The following FRY variants were observed in gnomAD, a reference collection of about 807,000 sequenced individuals.
FRY encodes the protein protein furry homolog.
FRY carries 128 observed loss-of-function variants against 348.4 expected under a neutral mutation model. That is an observed-to-expected ratio of 0.37 (90% CI 0.32 to 0.43). The LOEUF is 0.43. Among genes scored for constraint, FRY ranks in the 20% least tolerant of loss-of-function variants. The pLI, the probability that FRY is intolerant of heterozygous loss-of-function variation, is 1.00. For missense variants in FRY, 2,736 were observed against 3,695.2 expected (o/e 0.74, Z 6.73); for synonymous variants, 1,370 against 1,374.7 (o/e 1.00, Z 0.08).
Position 32,249,538 on chromosome 13 carries a change from G to A in FRY, c.7021G>A (p.Gly2341Arg), listed in dbSNP as rs374001727. Residue 2341 changes from glycine to arginine, a missense_variant, in exon 49 of 61, where the codon GGG becomes AGG. Coordinates refer to ENST00000542859, the MANE Select transcript of FRY (RefSeq NM_023037.3). ...HFDISETPII[G>R]RRYDELQNSS... is the part of the protein sequence containing the mutation. ...TCTTCTTCTCAAGACTCCAATCATCGGGAGGCGGTATGATGAGCTGCAGAA... is the reference window on the plus strand; with the variant it reads ...TCTTCTTCTCAAGACTCCAATCATCAGGAGGCGGTATGATGAGCTGCAGAA... 4.2e-5 allele frequency: 68 copies of A among 1,614,098 alleles called. No individual in the cohort carries two copies. The highest frequency in any genetic ancestry group is 5.7e-5 in the Non-Finnish European group (67 of 1,180,008).
chr13:32,212,353 G>T lies in FRY; in HGVS notation c.4653G>T (p.Glu1551Asp). Residue 1551 changes from glutamate to aspartate, a missense_variant, in exon 35 of 61, where the codon GAG becomes GAT. Around this residue, in one of 9 missense-constraint regions of FRY, gnomAD observed 794 missense variants for 977.0 expected, o/e 0.81. Transcript: ENST00000542859. Reference protein sequence around the residue: ...AGQENFPDAEENKILKESDER... With the variant: ...AGQENFPDAEDNKILKESDER... ...AGGAAAATTTCCCAGATGCTGAGGAGAACAAGATATTGAAAGAATCTGATG... is the reference window on the plus strand; with the variant it reads ...AGGAAAATTTCCCAGATGCTGAGGATAACAAGATATTGAAAGAATCTGATG... 1 of 1,607,298 alleles carries T rather than the reference G, an allele frequency of 6.2e-7. No individual in the cohort carries two copies. The highest frequency in any genetic ancestry group is 2.2e-5 in the East Asian group (1 of 44,690).
chr13:32,105,907 C>T (rs992655094), intron 3 of FRY, among the ~76,000 whole-genome samples: 2 of 151,810 alleles, frequency 1.3e-5, no homozygotes, highest in African/African-American at 2.4e-5. Flanking sequence ...CTAACCAGCC[C>T]ATGATTCATT....
At chr13:32,036,716 C>A (rs1162418018) in intron 1 of FRY, among the ~76,000 whole-genome samples, 3 of 151,486 alleles carry the variant, frequency 2.0e-5, no homozygotes, top group Non-Finnish European at 4.4e-5. Context: ...TTCCAATAAC[C>A]CTGTGAGTTT....
At chr13:32,067,236 C>T (rs775661164) in intron 1 of FRY, among the ~76,000 whole-genome samples, 2 of 152,202 alleles carry the variant, frequency 1.3e-5, no homozygotes, top group Non-Finnish European at 2.9e-5. Context: ...CCTACCTATC[C>T]TTTAAGACCT....
rs769080943 is a variant in FRY, at chr13:32,178,882, G to C, written c.2720G>C (p.Ser907Thr). Residue 907 changes from serine (S) to threonine (T), a missense_variant, in exon 22 of 61, where the codon AGC (serine) becomes ACC (threonine). Ser to Thr is a moderately conservative substitution (Grantham distance 58, BLOSUM62 1). Around this residue, in one of 9 missense-constraint regions of FRY, gnomAD observed 449 missense variants for 576.9 expected, o/e 0.78. Coordinates refer to ENST00000542859, the MANE Select transcript of FRY (RefSeq NM_023037.3). Reference sequence around the variant, plus strand: ...GCCAAGAAAACCAGCACTGCCGGCAGCGGAGACAACTATGTTACTTTGTGG... The same window carrying C: ...GCCAAGAAAACCAGCACTGCCGGCACCGGAGACAACTATGTTACTTTGTGG... ...INAKKTSTAG[S>T]GDNYVTLWRN... The C allele has an allele frequency of 1.2e-6, 2 of 1,613,876 alleles. No individual in the cohort carries two copies. Among genetic ancestry groups the C allele is most frequent in the Non-Finnish European group, 1.7e-6 (2 of 1,179,768 alleles).
chr13:32,186,269 G>A lies in FRY; in HGVS notation c.3329G>A (p.Arg1110Gln), dbSNP rs754687202. 7 of 1,613,074 alleles carry A rather than the reference G, an allele frequency of 4.3e-6. No homozygotes were observed. The highest frequency in any genetic ancestry group is 1.1e-5 in the South Asian group (1 of 91,056). The change falls in exon 27 of 61, where the codon CGA becomes CAA. Residue 1110 changes from arginine to glutamine, a missense_variant. Coordinates refer to ENST00000542859, the MANE Select transcript of FRY (RefSeq NM_023037.3). Reference protein sequence around the residue: ...NLIQCVPVHHRRFLFPQQSLR... With the variant: ...NLIQCVPVHHQRFLFPQQSLR... ...GTGTTTTTCTCCCTAGTTCACCACC[G>A]AAGATTTCTCTTCCCCCAGCAAAGT...
intron 55 of FRY, among the ~76,000 whole-genome samples, chr13:32,268,498 AAAAAAAAATATAT>A (rs1456088328): frequency 0.01 from 197 of 19,670 alleles, 10 homozygotes; most frequent in African/African-American, 0.022. Flanking sequence ...AAAAAAAAAA[AAAAAAAAATATAT>A]ATATATATAT....
intron 56 of FRY, chr13:32,275,222 C>CAAAA: frequency 1.9e-5 from 4 of 206,540 alleles, no homozygotes; most frequent in Non-Finnish European, 3.9e-5. Context: ...ATTAAAAATA[C>CAAAA]AAAAAAAAAA....
rs377299413 is a variant in FRY at position 32,289,764 on chromosome 13, A to G, written c.8580+21A>G. 3.4e-5 allele frequency: 42 copies of G among 1,247,130 alleles called. No homozygotes were observed. In the East Asian group the frequency reaches 5.3e-4, roughly 16 times the overall value. The allele number at this position is 1,247,130 out of a possible 1,614,324, so 77.3% of individuals were successfully genotyped here. A position where few individuals can be genotyped will look rare whatever the true frequency, so the allele number is the denominator to read the frequency against. On this transcript the variant is annotated intron_variant, in intron 59 of 60. Coordinates refer to ENST00000542859, the MANE Select transcript of FRY (RefSeq NM_023037.3). ...CAGAGGTGAGTCCACACGCTTCCCAACCCCACGTCCCACCACAAAAACCAT... is the reference window on the plus strand; with the variant it reads ...CAGAGGTGAGTCCACACGCTTCCCAGCCCCACGTCCCACCACAAAAACCAT...
At chr13:32,117,310 A>G in intron 3 of FRY, 24 bp from the exon 4 acceptor site, 1 of 1,612,390 alleles carries the variant, frequency 6.2e-7, no homozygotes, top group Non-Finnish European at 8.5e-7. Context: ...CCAGTGTTCT[A>G]ATCACCTGCA....
At position 32,295,784 on chromosome 13, in the gene FRY, T is replaced by C; in HGVS notation, c.*324T>C. 2 of 338,218 alleles carry C rather than the reference T, an allele frequency of 5.9e-6. No individual in the cohort carries two copies. The highest frequency in any genetic ancestry group is 1.1e-5 in the Non-Finnish European group (2 of 184,048). The allele number at this position is 338,218 out of a possible 1,614,324, so 21.0% of individuals were successfully genotyped here. A position where few individuals can be genotyped will look rare whatever the true frequency, so the allele number is the denominator to read the frequency against. ...AAGCCGACTACACTGAACAGTACCTTCCTTTCTAGAAACAATTTTAGATTG... is the reference window on the plus strand; with the variant it reads ...AAGCCGACTACACTGAACAGTACCTCCCTTTCTAGAAACAATTTTAGATTG... On this transcript the variant is annotated 3_prime_UTR_variant, in exon 61 of 61. Coordinates refer to ENST00000542859, the MANE Select transcript of FRY (RefSeq NM_023037.3).
chr13:32,090,338 T>G (rs1257724211), intron 2 of FRY, among the ~76,000 whole-genome samples: 2 of 110,070 alleles, frequency 1.8e-5, no homozygotes, highest in Admixed American at 1.4e-4. Context: ...GCGACAGAGC[T>G]GGACTCCATC....
chr13:32,077,349 A>G (rs1351784540), intron 1 of FRY, among the ~76,000 whole-genome samples: 1 of 152,198 alleles, frequency 6.6e-6, no homozygotes, highest in African/African-American at 2.4e-5. Flanking sequence ...AGAAGTTATT[A>G]AAATAATCTA....
At chr13:32,086,160 C>A (rs894479818) in intron 2 of FRY, 3 of 371,164 alleles carry the variant, frequency 8.1e-6, no homozygotes, top group Non-Finnish European at 1.6e-5. Context: ...GGCCAGGCAG[C>A]CCAAAATATG....
At chr13:32,262,895 T>C (rs1887738452) in intron 53 of FRY, among the ~76,000 whole-genome samples, 1 of 152,250 alleles carries the variant, frequency 6.6e-6, no homozygotes, top group Non-Finnish European at 1.5e-5. Flanking sequence ...GAAACAATTA[T>C]ACAATTTGTA....
At chr13:32,138,258 C>T (rs1879846023) in intron 11 of FRY, among the ~76,000 whole-genome samples, 2 of 151,534 alleles carry the variant, frequency 1.3e-5, no homozygotes, top group African/African-American at 2.4e-5. Context: ...TTTTCTATTA[C>T]ATTTTACACA....
chr13:32,115,642 A>G (rs1878250110), intron 3 of FRY, among the ~76,000 whole-genome samples: 1 of 152,026 alleles, frequency 6.6e-6, no homozygotes, highest in African/African-American at 2.4e-5. Context: ...ATAATCATCA[A>G]CAGTTACTTT....
chr13:32,282,860 C>T (rs144031997), intron 58 of FRY, among the ~76,000 whole-genome samples: 10 of 152,210 alleles, frequency 6.6e-5, no homozygotes, highest in African/African-American at 2.2e-4. Context: ...TTCACACATA[C>T]GGCCGAGCGT....
chr13:32,239,663 C>G lies in FRY; in HGVS notation c.6517-48C>G. On this transcript the variant is annotated intron_variant, in intron 45 of 60. Transcript: ENST00000542859. The surrounding 1 kb of genome is among the most constrained non-coding windows in gnomAD (Gnocchi z 4.3). ...ATAGTAAAATTGCTAACATTTCTTC[C>G]TATTCATTGGGCTATTTTATTCCTA... 1 of 1,296,292 alleles carries G rather than the reference C, an allele frequency of 7.7e-7. No individual in the cohort carries two copies. Among genetic ancestry groups the G allele is most frequent in the South Asian group, 1.2e-5 (1 of 83,848 alleles). 80.3% of individuals were successfully genotyped at this position (1,296,292 alleles called of 1,614,324 possible).
Sources: gnomAD v4.1 joint callset for allele counts (sites outside exome capture counted in the v4.1 genomes callset) on GRCh38, gnomAD v4.1.1 for gene constraint, gnomAD v4.1.1 regional missense constraint, Gnocchi (gnomAD v3.1) non-coding constraint, MANE v1.5 for transcripts, NCBI Gene and HGNC (gene_info 2026-07-23, HGNC 2026-07-21) for gene names.